The following ZNF804A variants were observed in gnomAD, a reference collection of about 807,000 sequenced individuals.
The protein encoded by ZNF804A is zinc finger protein 804A.
In ZNF804A, 2 loss-of-function variants were observed where a neutral mutation model predicts 16.5. That is an observed-to-expected ratio of 0.12 (90% CI 0.05 to 0.38). The LOEUF is 0.38. Among genes scored for constraint, ZNF804A ranks in the 10% least tolerant of loss-of-function variants. ZNF804A has a pLI of 0.99. For missense variants in ZNF804A, 1,473 were observed against 1,390.7 expected (o/e 1.06, Z -0.94); for synonymous variants, 534 against 489.6 (o/e 1.09, Z -1.20).
intron 2 of ZNF804A, among the ~76,000 whole-genome samples, chr2:184,870,379 C>G (rs2105813049): frequency 6.6e-6 from 1 of 152,044 alleles, no homozygotes; most frequent in African/African-American, 2.4e-5. Context: ...TGTTCTAATT[C>G]TTAAACTAGA....
Position 184,834,945 on chromosome 2 carries a change from T to G in ZNF804A, c.112-31424T>G, listed in dbSNP as rs116385799. ...CATGAAAGTTATGAATGTTGAATTATGTAAGTCATATGTAAGTCATGTTGA... is the reference window on the plus strand; with the variant it reads ...CATGAAAGTTATGAATGTTGAATTAGGTAAGTCATATGTAAGTCATGTTGA... On this transcript the variant is annotated intron_variant, in intron 1 of 3. Transcript: ENST00000302277. 9.1e-3 allele frequency among the ~76,000 whole-genome samples: 1,387 copies of G among 152,294 alleles called. 23 individuals are homozygous for G. Among genetic ancestry groups the G allele is most frequent in the African/African-American group, 0.032 (1,326 of 41,564 alleles).
chr2:184,600,712 T>A (rs756623569), intron 1 of ZNF804A, among the ~76,000 whole-genome samples: 2 of 152,192 alleles, frequency 1.3e-5, no homozygotes, highest in Non-Finnish European at 2.9e-5. Flanking sequence ...AAAAAAAAGT[T>A]ATTTTCCAAA....
chr2:184,874,069 A>T (rs1297552216), intron 2 of ZNF804A, among the ~76,000 whole-genome samples: 1 of 152,160 alleles, frequency 6.6e-6, no homozygotes, highest in African/African-American at 2.4e-5. Context: ...TTCATGAAAG[A>T]ATCTTAGAAA....
At chr2:184,815,271 A>C (rs1276172153) in intron 1 of ZNF804A, among the ~76,000 whole-genome samples, 2 of 151,988 alleles carry the variant, frequency 1.3e-5, no homozygotes, top group Non-Finnish European at 2.9e-5. Flanking sequence ...AATAATTATC[A>C]AATCCATACT....
At position 184,905,737 on chromosome 2, in the gene ZNF804A, G is replaced by A. The variant is rs1574265317; in HGVS notation, c.256-27866G>A. Among the ~76,000 whole-genome samples the A allele has an allele frequency of 2.0e-5, 3 of 152,222 alleles. No individual in the cohort carries two copies. The East Asian group carries it at 5.8e-4, about 29-fold the overall frequency. On this transcript the variant is annotated intron_variant, in intron 2 of 3. Transcript: ENST00000302277. ...GTCTACAGGCATGTTTCCATCTAGG[G>A]GGTGATTTTATGGTGAATCTAGAGA...
At chr2:184,863,866 T>C (rs1275361394) in intron 1 of ZNF804A, among the ~76,000 whole-genome samples, 1 of 152,154 alleles carries the variant, frequency 6.6e-6, no homozygotes, top group Non-Finnish European at 1.5e-5. Context: ...CAATAAGCAA[T>C]TTGGGTCTAT....
Position 184,814,621 on chromosome 2 carries a change from G to A in ZNF804A, c.112-51748G>A, listed in dbSNP as rs916315146. Among the ~76,000 whole-genome samples the A allele has an allele frequency of 3.3e-5, 5 of 152,002 alleles. No individual in the cohort carries two copies. In the East Asian group the frequency reaches 9.6e-4, roughly 29 times the overall value. On this transcript the variant is annotated intron_variant, in intron 1 of 3. Coordinates refer to ENST00000302277, the MANE Select transcript of ZNF804A (RefSeq NM_194250.2). Reference sequence around the variant, plus strand: ...AGAAGAATTTATTCAGCACAGCATGGCAGTTTCTGGCTTTCAAGAGCTGCC... The same window carrying A: ...AGAAGAATTTATTCAGCACAGCATGACAGTTTCTGGCTTTCAAGAGCTGCC...
chr2:184,830,194 T>C (rs935765248), intron 1 of ZNF804A, among the ~76,000 whole-genome samples: 7 of 152,088 alleles, frequency 4.6e-5, no homozygotes, highest in Admixed American at 3.9e-4. Context: ...ATACTACTTA[T>C]GTATGTAAAG....
chr2:184,816,618 C>T lies in ZNF804A; in HGVS notation c.112-49751C>T, dbSNP rs187948182. Among the ~76,000 whole-genome samples the T allele has an allele frequency of 2.4e-3, 359 of 152,040 alleles. 5 individuals are homozygous for T. Among genetic ancestry groups the T allele is most frequent in the Non-Finnish European group, 4.1e-4 (28 of 67,920 alleles). On this transcript the variant is annotated intron_variant, in intron 1 of 3. Transcript: ENST00000302277. ...AACTAATTTTTGCCATAAACATGGTCAAAACTGTCTCATTTATCAACCGAT... is the reference window on the plus strand; with the variant it reads ...AACTAATTTTTGCCATAAACATGGTTAAAACTGTCTCATTTATCAACCGAT...
intron 1 of ZNF804A, among the ~76,000 whole-genome samples, chr2:184,847,656 C>T (rs1225544013): frequency 6.6e-6 from 1 of 152,028 alleles, no homozygotes; most frequent in Non-Finnish European, 1.5e-5. Context: ...CTCCAAATCT[C>T]TGGACACCAA....
rs925378253 is a variant in ZNF804A at position 184,936,881 on chromosome 2, A to G, written c.1485A>G (p.Gly495=). ...SQQKQEDICM[G]PLSDYKDVST... is the part of the protein sequence containing the mutation. ...AGAAGCAGGAAGACATTTGCATGGG[A>G]CCACTTTCAGATTACAAGGATGTAT... Residue 495 remains glycine (G), a synonymous_variant, in exon 4 of 4, where the codon GGA becomes GGG. Coordinates refer to ENST00000302277, the MANE Select transcript of ZNF804A (RefSeq NM_194250.2). The G allele has an allele frequency of 6.2e-7, 1 of 1,613,454 alleles. No homozygotes were observed. The highest frequency in any genetic ancestry group is 1.3e-5 in the African/African-American group (1 of 74,884).
chr2:184,654,838 C>T (rs1279958441), intron 1 of ZNF804A, among the ~76,000 whole-genome samples: 2 of 152,148 alleles, frequency 1.3e-5, no homozygotes, highest in African/African-American at 4.8e-5. Flanking sequence ...AAACACCCAA[C>T]CTGGGCCAAG....
rs546364209 is a variant in ZNF804A at position 184,765,613 on chromosome 2, C to G, written c.112-100756C>G. On this transcript the variant is annotated intron_variant, in intron 1 of 3. Coordinates refer to ENST00000302277, the MANE Select transcript of ZNF804A (RefSeq NM_194250.2). ...ACTACCCCCTCACATGCACCCCCCC[C>G]CCTTAGAGTCGTGAGCCCTTAAAAG... Among the ~76,000 whole-genome samples, 29 of 147,006 alleles carry G rather than the reference C, an allele frequency of 2.0e-4. No homozygotes were observed. The East Asian group carries it at 3.8e-3, about 19-fold the overall frequency.
intron 1 of ZNF804A, among the ~76,000 whole-genome samples, chr2:184,650,146 TG>T (rs1325516408): frequency 6.6e-6 from 1 of 152,094 alleles, no homozygotes; most frequent in Non-Finnish European, 1.5e-5. Context: ...GATTCAAGGT[TG>T]GGTCAATATA....
At chr2:184,640,732 A>T (rs895478943) in intron 1 of ZNF804A, among the ~76,000 whole-genome samples, 1 of 152,220 alleles carries the variant, frequency 6.6e-6, no homozygotes, top group Non-Finnish European at 1.5e-5. Context: ...AAGATAAAAG[A>T]CAAATGATTA....
chr2:184,612,391 AT>A (rs1691251544), intron 1 of ZNF804A, among the ~76,000 whole-genome samples: 1 of 151,840 alleles, frequency 6.6e-6, no homozygotes, highest in Non-Finnish European at 1.5e-5. Context: ...TTCTATTTGT[AT>A]TACCAATCAC....
rs141278640 is a variant in ZNF804A at position 184,791,187 on chromosome 2, G to C, written c.112-75182G>C. On this transcript the variant is annotated intron_variant, in intron 1 of 3. Transcript: ENST00000302277. ...GGCTATGTGCATCAAGGTTAAAATT[G>C]ATATGTGAGATTTTGTTACTGATGT... is the stretch of plus-strand genomic sequence containing the variant. Among the ~76,000 whole-genome samples the C allele has an allele frequency of 9.1e-3, 1,382 of 152,202 alleles. 24 individuals are homozygous for C. Among genetic ancestry groups the C allele is most frequent in the African/African-American group, 0.032 (1,321 of 41,520 alleles).
At chr2:184,655,224 C>T (rs535101157) in intron 1 of ZNF804A, among the ~76,000 whole-genome samples, 47 of 152,274 alleles carry the variant, frequency 3.1e-4, no homozygotes, top group Non-Finnish European at 5.4e-4. Flanking sequence ...GATATCACTC[C>T]CCTTTCACAA....
chr2:184,646,037 CCT>C (rs1301519614), intron 1 of ZNF804A, among the ~76,000 whole-genome samples: 1 of 152,142 alleles, frequency 6.6e-6, no homozygotes, highest in African/African-American at 2.4e-5. Context: ...GGGAAACACA[CCT>C]GGAAAAGCTG....
Sources: gnomAD v4.1 joint callset for allele counts (sites outside exome capture counted in the v4.1 genomes callset) on GRCh38, gnomAD v4.1.1 for gene constraint, MANE v1.5 for transcripts, NCBI Gene and HGNC (gene_info 2026-07-23, HGNC 2026-07-21) for gene names.